Variants in TSC22D1 observed in about 807,000 individuals in gnomAD.
TSC22D1 encodes TSC22 domain family member 1.
In TSC22D1, 9 loss-of-function variants were observed where a neutral mutation model predicts 74.2. That is an observed-to-expected ratio of 0.12 (90% confidence interval 0.07 to 0.21). The LOEUF is 0.21. Among genes scored for constraint, TSC22D1 ranks in the 10% least tolerant of loss-of-function variants. TSC22D1 has a pLI of 1.00. For synonymous variants in TSC22D1, 586 were observed against 492.5 expected (o/e 1.19, Z -2.51); for missense variants, 1,427 against 1,304.7 (o/e 1.09, Z -1.44).
At chr13:44,467,088 G>T (rs928713034) in intron 1 of TSC22D1, among the ~76,000 whole-genome samples, 1 of 152,056 alleles carries the variant, frequency 6.6e-6, no homozygotes, top group African/African-American at 2.4e-5. Flanking sequence ...CTTGAACACG[G>T]GAGGTGGAGG....
intron 1 of TSC22D1, among the ~76,000 whole-genome samples, chr13:44,495,963 A>G (rs1878954821): frequency 6.6e-6 from 1 of 152,230 alleles, no homozygotes; most frequent in Non-Finnish European, 1.5e-5. Context: ...CAAACATATA[A>G]GCAAAAAAGA....
At chr13:44,462,561 C>A (rs1424150650) in intron 1 of TSC22D1, among the ~76,000 whole-genome samples, 2 of 152,168 alleles carry the variant, frequency 1.3e-5, no homozygotes, top group Non-Finnish European at 2.9e-5. Flanking sequence ...AAACCATTTA[C>A]AAGCCTACAA....
At chr13:44,470,949 C>T (rs527555608) in intron 1 of TSC22D1, among the ~76,000 whole-genome samples, 6 of 152,278 alleles carry the variant, frequency 3.9e-5, no homozygotes, top group African/African-American at 7.2e-5. Flanking sequence ...ATTCAAATGG[C>T]TCACTGACAA....
intron 1 of TSC22D1, among the ~76,000 whole-genome samples, chr13:44,533,046 T>C (rs1199594680): frequency 6.6e-6 from 1 of 152,174 alleles, no homozygotes; most frequent in Non-Finnish European, 1.5e-5. Context: ...TAGAAACGTA[T>C]GTGGTATTTT....
intron 1 of TSC22D1, among the ~76,000 whole-genome samples, chr13:44,459,089 T>G (rs1027921789): frequency 1.3e-5 from 2 of 152,166 alleles, no homozygotes; most frequent in African/African-American, 4.8e-5. Context: ...CAGTGAGAAC[T>G]TGTGCTTTTT....
chr13:44,557,935 T>C (rs1882788781), intron 1 of TSC22D1, among the ~76,000 whole-genome samples: 2 of 152,188 alleles, frequency 1.3e-5, no homozygotes, highest in African/African-American at 4.8e-5. Flanking sequence ...AAAGTTTACT[T>C]TTTAGCAATA....
intron 1 of TSC22D1, among the ~76,000 whole-genome samples, chr13:44,477,137 G>C (rs1403103449): frequency 1.3e-5 from 2 of 151,916 alleles, no homozygotes; most frequent in Non-Finnish European, 2.9e-5. Flanking sequence ...ATTTTTAGTA[G>C]AGACGGGGTT....
chr13:44,479,248 G>C (rs369285200), intron 1 of TSC22D1, among the ~76,000 whole-genome samples: 1 of 151,870 alleles, frequency 6.6e-6, no homozygotes, highest in Admixed American at 6.6e-5. Context: ...CCCAACCCAC[G>C]GGCATGGCCC....
chr13:44,481,136 A>C (rs117730272), intron 1 of TSC22D1, among the ~76,000 whole-genome samples: 2 of 152,344 alleles, frequency 1.3e-5, no homozygotes, highest in East Asian at 3.9e-4. Context: ...CACTGGAGCC[A>C]ACAGAGGAGA....
intron 1 of TSC22D1, among the ~76,000 whole-genome samples, chr13:44,572,798 G>A (rs1343531488): frequency 6.6e-6 from 1 of 152,204 alleles, no homozygotes; most frequent in Non-Finnish European, 1.5e-5. Flanking sequence ...AACCCCCCAA[G>A]AGATTATTTT....
At chr13:44,547,571 T>A (rs1881908720) in intron 1 of TSC22D1, among the ~76,000 whole-genome samples, 2 of 151,882 alleles carry the variant, frequency 1.3e-5, no homozygotes, top group Admixed American at 1.3e-4. Context: ...ACTGAAGACC[T>A]TCTCCTCATT....
Position 44,573,734 on chromosome 13 carries a change from C to G in TSC22D1, c.2341G>C (p.Ala781Pro), listed in dbSNP as rs1466475236. The G allele has an allele frequency of 5.0e-6, 8 of 1,614,202 alleles. No homozygotes were observed. The highest frequency in any genetic ancestry group is 6.8e-6 in the Non-Finnish European group (8 of 1,180,038). Residue 781 changes from alanine (A) to proline (P), a missense_variant, in exon 1 of 3, where the codon GCT (alanine) becomes CCT (proline). By Grantham distance (27) the Ala-to-Pro change is conservative (BLOSUM62 -1). This residue lies in a region of TSC22D1 where 1,343 missense variants were observed against 1,191.5 expected (regional missense o/e 1.13). Transcript: ENST00000458659. ...GIIHQGVQTSAPSLPQQLVIA... is the reference protein window; with the variant it reads ...GIIHQGVQTSPPSLPQQLVIA... The stretch of plus-strand genomic sequence containing the variant: ...ACCAATTGTTGAGGAAGGCTTGGAG[C>G]ACTAGTTTGAACTCCCTGATGAATA...
At chr13:44,537,504 G>A (rs538039604) in intron 1 of TSC22D1, 18 of 984,890 alleles carry the variant, frequency 1.8e-5, no homozygotes, top group South Asian at 4.7e-5. Context: ...CACACAAAGC[G>A]GTTTCTACTG....
intron 1 of TSC22D1, among the ~76,000 whole-genome samples, chr13:44,445,208 G>A (rs1056044571): frequency 7.2e-6 from 1 of 139,506 alleles, no homozygotes; most frequent in Admixed American, 7.3e-5. Flanking sequence ...AAACAGAGAG[G>A]TCAAAGATAC....
In TSC22D1 at chr13:44,554,188, G is replaced by A. The variant is rs112965008; in HGVS notation, c.2912+18975C>T. Among the ~76,000 whole-genome samples, 216 of 152,226 alleles carry A rather than the reference G, an allele frequency of 1.4e-3. 1 individual carries two copies. Among genetic ancestry groups the A allele is most frequent in the African/African-American group, 4.8e-3 (200 of 41,542 alleles). ...TTTTATCCTCACAACAACAGCACGG[G>A]TAGCTATTACCTGCACATAACAGCT... On this transcript the variant is annotated intron_variant, in intron 1 of 2. Transcript: ENST00000458659.
intron 1 of TSC22D1, chr13:44,437,264 AGCT>A: frequency 2.0e-6 from 2 of 985,454 alleles, no homozygotes; most frequent in Non-Finnish European, 2.4e-6. Context: ...GAACCGTCTG[AGCT>A]ACTGGGCATG....
intron 1 of TSC22D1, among the ~76,000 whole-genome samples, chr13:44,569,357 G>A (rs1171848428): frequency 1.3e-5 from 2 of 152,042 alleles, no homozygotes; most frequent in African/African-American, 4.8e-5. Flanking sequence ...TTTAGAGACT[G>A]GGAGGTAAAT....
intron 1 of TSC22D1, among the ~76,000 whole-genome samples, chr13:44,529,324 G>A (rs1198597430): frequency 6.6e-6 from 1 of 151,882 alleles, no homozygotes; most frequent in African/African-American, 2.4e-5. Context: ...GAAAAATCAT[G>A]TGATCCTATC....
At chr13:44,563,143 T>G (rs1316468985) in intron 1 of TSC22D1, among the ~76,000 whole-genome samples, 1 of 152,124 alleles carries the variant, frequency 6.6e-6, no homozygotes, top group African/African-American at 2.4e-5. Context: ...AACCCTGTCT[T>G]AAGGTTATAA....
Sources: allele counts gnomAD v4.1 joint callset (sites outside exome capture counted in the v4.1 genomes callset), GRCh38; gene constraint gnomAD v4.1.1; regional missense constraint gnomAD v4.1.1; transcripts MANE v1.5; gene names NCBI Gene and HGNC (gene_info 2026-07-23, HGNC 2026-07-21).